The following ZBTB16 variants were observed in gnomAD, a reference collection of about 807,000 sequenced individuals.
The protein encoded by ZBTB16 is zinc finger and BTB domain-containing protein 16.
In ZBTB16, 8 loss-of-function variants were observed where a neutral mutation model predicts 56.8. That is an observed-to-expected ratio of 0.14 (90% CI 0.08 to 0.25). ZBTB16 has a LOEUF of 0.25. Among genes scored for constraint, ZBTB16 ranks in the 10% least tolerant of loss-of-function variants. The pLI, the probability that ZBTB16 is intolerant of heterozygous loss-of-function variation, is 1.00. For synonymous variants in ZBTB16, 363 were observed against 368.5 expected, an observed-to-expected ratio of 0.98 and a Z score of 0.17; for missense variants, 625 against 903.0, an observed-to-expected ratio of 0.69 and a Z score of 3.95.
intron 2 of ZBTB16, among the ~76,000 whole-genome samples, chr11:114,074,631 G>T (rs1939473679): frequency 6.6e-6 from 1 of 152,208 alleles, no homozygotes; most frequent in Non-Finnish European, 1.5e-5. Context: ...GTAGCACCTG[G>T]CATCATAACC....
chr11:114,121,398 G>A (rs1185372588), intron 2 of ZBTB16, among the ~76,000 whole-genome samples: 4 of 152,164 alleles, frequency 2.6e-5, no homozygotes, highest in Non-Finnish European at 4.4e-5. Context: ...TGAATCCTTG[G>A]TGGGGCTGCC....
intron 5 of ZBTB16, chr11:114,246,653 G>A: frequency 6.1e-6 from 1 of 162,608 alleles, no homozygotes; most frequent in South Asian, 1.8e-4. Flanking sequence ...ATATGAGCTG[G>A]GCTTTGAAGG....
chr11:114,205,409 CAAA>C (rs771668577), intron 4 of ZBTB16, among the ~76,000 whole-genome samples: 1 of 95,128 alleles, frequency 1.1e-5, no homozygotes, highest in Non-Finnish European at 2.1e-5. Flanking sequence ...GACTCCGTCT[CAAA>C]AAAAAAAAAA....
intron 2 of ZBTB16, among the ~76,000 whole-genome samples, chr11:114,126,159 C>T (rs2137815399): frequency 6.6e-6 from 1 of 152,298 alleles, no homozygotes; most frequent in South Asian, 2.1e-4. Context: ...GAGACTTTTG[C>T]TTCTGTGATC....
Position 114,254,610 on chromosome 11 carries a change from G to A in ZBTB16, c.*4055G>A, listed in dbSNP as rs1003141928. On this transcript the variant is annotated 3_prime_UTR_variant, in exon 7 of 7. Transcript: ENST00000335953. Reference sequence around the variant, plus strand: ...GCTTCCCGGCAAGCCGAGCTAGGGTGAAAACTGGGGGCGCACCAGGATGTG... The same window carrying A: ...GCTTCCCGGCAAGCCGAGCTAGGGTAAAAACTGGGGGCGCACCAGGATGTG... 6.6e-6 allele frequency among the ~76,000 whole-genome samples: 1 copy of A among 152,278 alleles called. No homozygotes were observed. Among genetic ancestry groups the A allele is most frequent in the Admixed American group, 6.5e-5 (1 of 15,300 alleles).
intron 4 of ZBTB16, among the ~76,000 whole-genome samples, chr11:114,198,598 A>G (rs748542868): frequency 6.6e-5 from 10 of 152,166 alleles, no homozygotes; most frequent in Non-Finnish European, 1.5e-4. Flanking sequence ...TTTTTTTAAG[A>G]GCAGCTTTAG....
At chr11:114,212,093 G>A (rs1404104683) in intron 4 of ZBTB16, among the ~76,000 whole-genome samples, 2 of 151,998 alleles carry the variant, frequency 1.3e-5, no homozygotes, top group African/African-American at 4.8e-5. Flanking sequence ...GTACAGTGTG[G>A]ACCGGGCGAG....
chr11:114,214,947 G>T (rs978301001), intron 4 of ZBTB16, among the ~76,000 whole-genome samples: 1 of 151,688 alleles, frequency 6.6e-6, no homozygotes, highest in East Asian at 1.9e-4. Flanking sequence ...CTGCTCAATT[G>T]GGGTGGAGGG....
intron 2 of ZBTB16, among the ~76,000 whole-genome samples, chr11:114,099,729 C>T (rs781619807): frequency 3.3e-5 from 5 of 152,190 alleles, no homozygotes; most frequent in Non-Finnish European, 5.9e-5. Flanking sequence ...GTCTTCTTCA[C>T]GTGGCCTTCC....
chr11:114,071,373 C>G (rs560341072), intron 2 of ZBTB16, among the ~76,000 whole-genome samples: 3 of 152,164 alleles, frequency 2.0e-5, no homozygotes, highest in Admixed American at 2.0e-4. Context: ...AAGTTGCCCA[C>G]TCTTTCATCT....
intron 2 of ZBTB16, among the ~76,000 whole-genome samples, chr11:114,146,472 A>G (rs1205389321): frequency 6.6e-6 from 1 of 152,130 alleles, no homozygotes; most frequent in Non-Finnish European, 1.5e-5. Flanking sequence ...CATGTCAGCC[A>G]CAGGGTGGTT....
chr11:114,232,626 C>G (rs2135175252), intron 4 of ZBTB16, among the ~76,000 whole-genome samples: 1 of 152,284 alleles, frequency 6.6e-6, no homozygotes, highest in East Asian at 1.9e-4. Context: ...CTGGGCTAGG[C>G]TAGGCTTGCT....
intron 2 of ZBTB16, among the ~76,000 whole-genome samples, chr11:114,079,969 C>T (rs1399698788): frequency 6.6e-6 from 1 of 152,122 alleles, no homozygotes; most frequent in Non-Finnish European, 1.5e-5. Flanking sequence ...TGAGTTTGGG[C>T]TCCGGGGCGG....
chr11:114,201,258 G>A (rs1216031337), intron 4 of ZBTB16, among the ~76,000 whole-genome samples: 1 of 152,128 alleles, frequency 6.6e-6, no homozygotes, highest in Non-Finnish European at 1.5e-5. Flanking sequence ...GGGGGAGGAG[G>A]AGGAGGAGGA....
intron 2 of ZBTB16, among the ~76,000 whole-genome samples, chr11:114,089,021 G>A (rs1207891768): frequency 1.3e-5 from 2 of 152,228 alleles, no homozygotes; most frequent in Non-Finnish European, 2.9e-5. Context: ...CGAGGACTAC[G>A]AGGCCTGCAG....
In ZBTB16 at chr11:114,255,586, G is replaced by T. The variant is rs1944989017; in HGVS notation, c.*5031G>T. On this transcript the variant is annotated 3_prime_UTR_variant, in exon 7 of 7. Transcript: ENST00000335953. ...CCCACTTCCCCGAGTTGTGCTTGCC[G>T]CTCCTTATCTGTTCTAGTTCCGAAG... Among the ~76,000 whole-genome samples the T allele has an allele frequency of 6.6e-6, 1 of 151,232 alleles. No homozygotes were observed. Among genetic ancestry groups the T allele is most frequent in the Admixed American group, 6.6e-5 (1 of 15,156 alleles).
chr11:114,243,269 G>A lies in ZBTB16; in HGVS notation c.1624+932G>A, dbSNP rs538663025. Among the ~76,000 whole-genome samples, 90 of 152,314 alleles carry A rather than the reference G, an allele frequency of 5.9e-4. 1 individual carries two copies. The South Asian group carries it at 0.017, about 28-fold the overall frequency. ...TCTCTATCTGGGTATATAACAGAGCGTATACTTGTAAAAACCTCTGCATGC... is the reference window on the plus strand; with the variant it reads ...TCTCTATCTGGGTATATAACAGAGCATATACTTGTAAAAACCTCTGCATGC... On this transcript the variant is annotated intron_variant, in intron 5 of 6. Transcript: ENST00000335953.
intron 3 of ZBTB16, among the ~76,000 whole-genome samples, chr11:114,164,599 T>C (rs948010759): frequency 6.6e-6 from 1 of 152,226 alleles, no homozygotes; most frequent in African/African-American, 2.4e-5. Flanking sequence ...ATTTCTGATT[T>C]CCAGGGCCTT....
Position 114,199,015 on chromosome 11 carries a change from G to A in ZBTB16, c.1453+11977G>A, listed in dbSNP as rs541737049. Among the ~76,000 whole-genome samples, 6 of 152,360 alleles carry A rather than the reference G, an allele frequency of 3.9e-5. No individual in the cohort carries two copies. The East Asian group carries it at 1.2e-3, about 29-fold the overall frequency. ...GATTGGAGAAGGAGAATTTAAGCAA[G>A]GCAGGTTTGGATTAGAAAGGGCTGA... On this transcript the variant is annotated intron_variant, in intron 4 of 6. Transcript: ENST00000335953.
Sources: allele counts gnomAD v4.1 joint callset (sites outside exome capture counted in the v4.1 genomes callset), GRCh38; gene constraint gnomAD v4.1.1; transcripts MANE v1.5; gene names NCBI Gene and HGNC (gene_info 2026-07-23, HGNC 2026-07-21).